The following TBC1D31 variants were observed in gnomAD, a reference collection of about 807,000 sequenced individuals.
TBC1D31 encodes the protein WD repeat domain 67.
Under a neutral mutation model 132.9 loss-of-function variants are expected in TBC1D31, and 99 were observed. The observed-to-expected ratio is 0.74, with a 90% CI of 0.63 to 0.88. The LOEUF is 0.88. Among genes scored for constraint, TBC1D31 ranks in the 40% least tolerant of loss-of-function variants. TBC1D31 has a pLI of 0.00. For synonymous variants in TBC1D31, 385 were observed against 419.4 expected (o/e 0.92, Z 1.00); for missense variants, 1,134 against 1,256.6 (o/e 0.90, Z 1.48).
intron 11 of TBC1D31, among the ~76,000 whole-genome samples, chr8:123,120,687 AAAT>A (rs1162065109): frequency 2.6e-5 from 4 of 152,098 alleles, no homozygotes; most frequent in East Asian, 3.9e-4. Context: ...AATAAAAATA[AAAT>A]AATAATAATA....
intron 6 of TBC1D31, chr8:123,097,963 C>A (rs1816990899): frequency 6.6e-6 from 1 of 152,220 alleles, no homozygotes; most frequent in African/African-American, 2.4e-5. Context: ...CCTTCATCCC[C>A]CTTCGCTTAT....
chr8:123,122,766 T>C (rs904674367), intron 11 of TBC1D31, among the ~76,000 whole-genome samples: 14 of 152,218 alleles, frequency 9.2e-5, no homozygotes, highest in Non-Finnish European at 2.1e-4. Context: ...CCAAACTAAA[T>C]TTTTTATTTC....
At chr8:123,090,584 T>C (rs1369648903) in intron 4 of TBC1D31, among the ~76,000 whole-genome samples, 4 of 152,168 alleles carry the variant, frequency 2.6e-5, no homozygotes, top group African/African-American at 4.8e-5. Flanking sequence ...ATACTAAATA[T>C]ACAAATAATA....
At chr8:123,160,038 C>T in the TBC1D31 span, among the ~76,000 whole-genome samples, 1 of 152,148 alleles carries the variant, frequency 6.6e-6, no homozygotes, top group African/African-American at 2.4e-5. Flanking sequence ...GGTGTTGATG[C>T]TTTAACTAAA....
intron 7 of TBC1D31, chr8:123,101,224 GT>G (rs1210847334): frequency 1.1e-5 from 5 of 445,862 alleles, no homozygotes; most frequent in Non-Finnish European, 1.6e-5. Flanking sequence ...GGACATCTCC[GT>G]TTGATGTCTC....
At chr8:123,142,520 CAG>C (rs1821809047) in intron 19 of TBC1D31, 64 bp downstream of exon 19, 12 of 1,169,982 alleles carry the variant, frequency 1.0e-5, no homozygotes, top group South Asian at 1.8e-5. Context: ...TTTTAAAAGA[CAG>C]AGTCTCACTT....
At chr8:123,091,256 G>A (rs1044844800) in intron 4 of TBC1D31, among the ~76,000 whole-genome samples, 1 of 152,132 alleles carries the variant, frequency 6.6e-6, no homozygotes, top group African/African-American at 2.4e-5. Flanking sequence ...GAATAATCAT[G>A]TAGGCAATAA....
In TBC1D31 at chr8:123,097,335, G is replaced by A. The variant is rs767911030; in HGVS notation, c.725G>A (p.Cys242Tyr). 4 of 1,614,170 alleles carry A rather than the reference G, an allele frequency of 2.5e-6. No individual in the cohort carries two copies. The East Asian group carries it at 8.9e-5, about 36-fold the overall frequency. The change falls in exon 6 of 22, where the codon TGC becomes TAC. Residue 242 changes from cysteine to tyrosine, a missense_variant. Transcript: ENST00000287380. ...AAGTCAAATCATCTTCATTTGTGGT[G>A]CTTGGAAGCTAGGCAGCTCTTTAGA... Reference protein sequence around the residue: ...GGKSNHLHLWCLEARQLFRII... With the variant: ...GGKSNHLHLWYLEARQLFRII...
At chr8:123,076,985 C>A in intron 1 of TBC1D31, 126 bp from the exon 2 acceptor site, 1 of 806,368 alleles carries the variant, frequency 1.2e-6, no homozygotes, top group Non-Finnish European at 1.9e-6. Flanking sequence ...TCTAGAGGAG[C>A]GGGGGTATAG....
intron 19 of TBC1D31, among the ~76,000 whole-genome samples, chr8:123,144,027 G>T (rs775762135): frequency 1.2e-4 from 18 of 152,104 alleles, no homozygotes; most frequent in Admixed American, 8.5e-4. Context: ...TAACATGAAA[G>T]GGATGGATTT....
At chr8:123,149,927 G>A in intron 20 of TBC1D31, 109 bp from the exon 21 acceptor site, 1 of 645,520 alleles carries the variant, frequency 1.5e-6, no homozygotes, top group Admixed American at 2.8e-5. Context: ...GAAAAGAAAG[G>A]AGTTTTTAGC....
At chr8:123,090,427 T>A (rs1816211168) in intron 4 of TBC1D31, among the ~76,000 whole-genome samples, 1 of 152,184 alleles carries the variant, frequency 6.6e-6, no homozygotes, top group Non-Finnish European at 1.5e-5. Flanking sequence ...TTCAGCTCAT[T>A]AGTTAAGGAT....
downstream of TBC1D31, among the ~76,000 whole-genome samples, chr8:123,153,296 T>C (rs1413769477): frequency 1.3e-5 from 2 of 152,210 alleles, no homozygotes; most frequent in Non-Finnish European, 2.9e-5. Context: ...CAGCTGTCTA[T>C]TGCAGTTTTT....
the TBC1D31 span, among the ~76,000 whole-genome samples, chr8:123,162,701 G>A: frequency 6.6e-6 from 1 of 152,160 alleles, no homozygotes; most frequent in African/African-American, 2.4e-5. Context: ...ATTTTCAATT[G>A]CACGAATAAT....
intron 6 of TBC1D31, among the ~76,000 whole-genome samples, chr8:123,098,234 C>G (rs1817025014): frequency 6.6e-6 from 1 of 152,170 alleles, no homozygotes; most frequent in Admixed American, 6.6e-5. Context: ...CCCATATCCA[C>G]TGTTGTTATA....
the TBC1D31 span, among the ~76,000 whole-genome samples, chr8:123,164,291 CT>C: frequency 2.6e-5 from 4 of 152,186 alleles, no homozygotes; most frequent in East Asian, 7.7e-4. Context: ...GGCCCCTGCT[CT>C]GGGTATATAC....
Position 123,084,297 on chromosome 8 carries a change from GA to G in TBC1D31, c.481del (p.Arg161GlufsTer3). ...TTATGGGACTTGGATACCTTTCAGA[GA>G]AAAAGAAAGCTGAATATTCGCCAGT... ...AQLWDLDTFQ[R>X]KRKLNIRQSV... is the part of the protein sequence containing the mutation. On this transcript the variant is annotated frameshift_variant, in exon 4 of 22. Transcript: ENST00000287380. LOFTEE classifies it high-confidence loss of function. 31 of 1,614,152 alleles carry G rather than the reference GA, an allele frequency of 1.9e-5. No homozygotes were observed. Among genetic ancestry groups the G allele is most frequent in the Non-Finnish European group, 2.6e-5 (31 of 1,180,002 alleles).
chr8:123,105,972 A>T (rs1817883845), intron 8 of TBC1D31, among the ~76,000 whole-genome samples: 1 of 151,958 alleles, frequency 6.6e-6, no homozygotes, highest in Non-Finnish European at 1.5e-5. Flanking sequence ...GATACACTGT[A>T]GATTAACTTA....
At chr8:123,140,499 C>A (rs1258682376) in intron 17 of TBC1D31, among the ~76,000 whole-genome samples, 1 of 152,160 alleles carries the variant, frequency 6.6e-6, no homozygotes, top group East Asian at 1.9e-4. Context: ...TAGCTCCAAG[C>A]CTTTGGTTAA....
Sources: gnomAD v4.1 joint callset for allele counts (sites outside exome capture counted in the v4.1 genomes callset) on GRCh38, gnomAD v4.1.1 for gene constraint, MANE v1.5 for transcripts, NCBI Gene and HGNC (gene_info 2026-07-23, HGNC 2026-07-21) for gene names.